The following CIDEC variants were observed in gnomAD, a reference collection of about 807,000 sequenced individuals.
CIDEC encodes the protein cell death inducing DFFA like effector c.
A neutral mutation model predicts 21.9 loss-of-function variants in CIDEC; 11 were observed. The ratio of observed to expected loss-of-function variants is 0.50; its 90% confidence interval spans 0.32 to 0.83. The LOEUF is 0.83. CIDEC is among the 40% of genes least tolerant of loss of function. The pLI is 0.04. For missense variants in CIDEC, 302 were observed against 302.3 expected, an observed-to-expected ratio of 1.00 and a Z score of 0.01; for synonymous variants, 127 against 124.9, an observed-to-expected ratio of 1.02 and a Z score of -0.11.
chr3:9,873,063 T>G (rs1287227654), intron 4 of CIDEC, among the ~76,000 whole-genome samples: 1 of 151,824 alleles, frequency 6.6e-6, no homozygotes, highest in Non-Finnish European at 1.5e-5. Flanking sequence ...TGTTTTGGTT[T>G]TGTTTGTTTT....
rs2082329492 is a variant in CIDEC at position 9,870,235 on chromosome 3, G to A, written c.295C>T (p.Gln99Ter). The A allele has an allele frequency of 6.2e-7, 1 of 1,614,142 alleles. No homozygotes were observed. The highest frequency in any genetic ancestry group is 2.2e-5 in the East Asian group (1 of 44,884). The change falls in exon 5 of 7, where the codon CAA (glutamine) becomes TAA (stop). Residue 99 changes from glutamine (Q) to a stop codon, truncating the protein, a stop_gained. Coordinates refer to ENST00000336832, the MANE Select transcript of CIDEC (RefSeq NM_001321142.2). LOFTEE classifies it high-confidence loss of function. ...AACACTGTATCCCCTGCCAGGGCTT[G>A]GAAGTACTCTTCTGTCTCTACAGTT... ...GTTVETEEYF[Q>*]ALAGDTVFMV...
At chr3:9,867,497 G>A (rs573107384) in intron 6 of CIDEC, among the ~76,000 whole-genome samples, 113 of 152,258 alleles carry the variant, frequency 7.4e-4, no homozygotes, top group African/African-American at 2.6e-3. Context: ...GTGGGTGACT[G>A]TAATCCCAGT....
Position 9,878,995 on chromosome 3 carries a change from C to T in CIDEC, c.-79G>A. The T allele has an allele frequency of 1.5e-6, 1 of 645,402 alleles. No homozygotes were observed. The allele number at this position is 645,402 out of a possible 1,614,324, so 40.0% of individuals were successfully genotyped here. ...AGCCCAGTCAAAGCCTCCTCTCTCC[C>T]ATGGGTCCTTGAGCAATCCGAGCCC... On this transcript the variant is annotated 5_prime_UTR_variant, in exon 2 of 7. It removes an upstream start codon present in the reference 5' UTR. Transcript: ENST00000336832.
intron 6 of CIDEC, 40 bp downstream of exon 6, chr3:9,869,842 C>A (rs1255887825): frequency 1.3e-6 from 2 of 1,594,754 alleles, no homozygotes; most frequent in African/African-American, 2.7e-5. Context: ...CTCCCATTGC[C>A]TGTACCCACC....
At chr3:9,878,196 C>T (rs1462041164) in intron 3 of CIDEC, 3 of 534,760 alleles carry the variant, frequency 5.6e-6, no homozygotes, top group Admixed American at 6.1e-5. Context: ...AGTAAAAGCA[C>T]CAAGCATAGT....
chr3:9,878,588 A>G, intron 2 of CIDEC, 77 bp from the exon 3 acceptor site: 1 of 1,372,302 alleles, frequency 7.3e-7, no homozygotes, highest in Non-Finnish European at 1.0e-6. Context: ...GCAAGGTGCA[A>G]CCCAACCCCT....
At chr3:9,871,173 ATT>A (rs59917579) in intron 4 of CIDEC, among the ~76,000 whole-genome samples, 139 of 120,140 alleles carry the variant, frequency 1.2e-3, no homozygotes, top group African/African-American at 3.5e-3. Context: ...TCTATGTTTA[ATT>A]TTTTTTTTTT....
intron 6 of CIDEC, among the ~76,000 whole-genome samples, chr3:9,869,527 G>A (rs527637949): frequency 6.6e-6 from 1 of 152,314 alleles, no homozygotes; most frequent in East Asian, 1.9e-4. Flanking sequence ...TGGGATTACA[G>A]GCATGAGCCA....
intron 6 of CIDEC, among the ~76,000 whole-genome samples, chr3:9,869,405 G>A (rs1335656344): frequency 1.3e-5 from 2 of 151,932 alleles, no homozygotes; most frequent in African/African-American, 2.4e-5. Context: ...CATGCACCAC[G>A]ATGTCCAGCT....
At chr3:9,879,465 C>T (rs1285354064) in intron 1 of CIDEC, among the ~76,000 whole-genome samples, 1 of 152,060 alleles carries the variant, frequency 6.6e-6, no homozygotes, top group Non-Finnish European at 1.5e-5. Context: ...AGCCACTGCA[C>T]CTGGCACAGG....
At chr3:9,871,321 G>A (rs1272420337) in intron 4 of CIDEC, among the ~76,000 whole-genome samples, 1 of 150,034 alleles carries the variant, frequency 6.7e-6, no homozygotes, top group Non-Finnish European at 1.5e-5. Flanking sequence ...TGAGATTACA[G>A]GTTTGTGCCA....
chr3:9,875,684 T>C (rs527635672), intron 4 of CIDEC, among the ~76,000 whole-genome samples: 1 of 152,340 alleles, frequency 6.6e-6, no homozygotes, highest in Non-Finnish European at 1.5e-5. Flanking sequence ...TCCTTGTTTG[T>C]AGAAAGGAGA....
chr3:9,878,888 C>T (rs1162604831), intron 2 of CIDEC, 54 bp downstream of exon 2: 24 of 1,412,020 alleles, frequency 1.7e-5, no homozygotes, highest in Non-Finnish European at 2.2e-5. Flanking sequence ...GTCCACTTTA[C>T]GCTGGCAGGA....
rs534274064 is a variant in CIDEC at position 9,874,687 on chromosome 3, A to G, written c.207+2379T>C. Among the ~76,000 whole-genome samples the G allele has an allele frequency of 5.6e-4, 85 of 152,242 alleles. 1 individual carries two copies. The South Asian group carries it at 0.016, about 28-fold the overall frequency. On this transcript the variant is annotated intron_variant, in intron 4 of 6. Coordinates refer to ENST00000336832, the MANE Select transcript of CIDEC (RefSeq NM_001321142.2). ...ACCTACCACTTTATTCAAATAATCAAAACAGTAAGGTGACAAAAATTGCAT... is the reference window on the plus strand; with the variant it reads ...ACCTACCACTTTATTCAAATAATCAGAACAGTAAGGTGACAAAAATTGCAT...
At chr3:9,873,791 T>C (rs2082383424) in intron 4 of CIDEC, among the ~76,000 whole-genome samples, 1 of 152,174 alleles carries the variant, frequency 6.6e-6, no homozygotes, top group Non-Finnish European at 1.5e-5. Flanking sequence ...ATAATAAGAA[T>C]AGGCTCCTCA....
At chr3:9,871,936 TC>T (rs1265933194) in intron 4 of CIDEC, among the ~76,000 whole-genome samples, 9 of 151,502 alleles carry the variant, frequency 5.9e-5, no homozygotes, top group African/African-American at 1.9e-4. Context: ...GGCCCAAAAA[TC>T]TTTTTTTCGT....
intron 4 of CIDEC, 69 bp downstream of exon 4, chr3:9,876,996 TA>T: frequency 7.4e-7 from 1 of 1,350,478 alleles, no homozygotes; most frequent in Non-Finnish European, 1.0e-6. Context: ...TGCCACCTTC[TA>T]AGCCCTGACC....
At position 9,875,436 on chromosome 3, in the gene CIDEC, A is replaced by C. The variant is rs182466653; in HGVS notation, c.207+1630T>G. Among the ~76,000 whole-genome samples, 4 of 152,302 alleles carry C rather than the reference A, an allele frequency of 2.6e-5. No individual in the cohort carries two copies. In the East Asian group the frequency reaches 7.7e-4, roughly 29 times the overall value. On this transcript the variant is annotated intron_variant, in intron 4 of 6. Coordinates refer to ENST00000336832, the MANE Select transcript of CIDEC (RefSeq NM_001321142.2). ...GTTCCAAACCAAGGGACAGTAAACA[A>C]AAATAGCTGGCTCATAATCTTCAAA...
Position 9,879,051 on chromosome 3 carries a change from C to T in CIDEC, c.-135G>A. Reference sequence around the variant, plus strand: ...TGAGGCTTCACAGTGGCCAAAAGAACATTCTGTGATGATAGAGGCATGCCT... The same window carrying T: ...TGAGGCTTCACAGTGGCCAAAAGAATATTCTGTGATGATAGAGGCATGCCT... On this transcript the variant is annotated 5_prime_UTR_variant, in exon 2 of 7. It removes an upstream start codon present in the reference 5' UTR. Transcript: ENST00000336832. The T allele has an allele frequency of 1.7e-6, 1 of 577,426 alleles. No individual in the cohort carries two copies. Among genetic ancestry groups the T allele is most frequent in the Non-Finnish European group, 3.1e-6 (1 of 322,472 alleles). 35.8% of individuals were successfully genotyped at this position (577,426 alleles called of 1,614,324 possible).
Sources: allele counts gnomAD v4.1 joint callset (sites outside exome capture counted in the v4.1 genomes callset), GRCh38; gene constraint gnomAD v4.1.1; transcripts MANE v1.5; gene names NCBI Gene and HGNC (gene_info 2026-07-23, HGNC 2026-07-21).